The following CCBE1 variants were observed in gnomAD, a reference collection of about 807,000 sequenced individuals.
CCBE1 encodes collagen and calcium binding EGF domains 1.
In CCBE1, 37 loss-of-function variants were observed where a neutral mutation model predicts 50.0. The observed-to-expected ratio is 0.74, with a 90% CI of 0.57 to 0.97. The LOEUF is 0.97. Ranked by LOEUF, CCBE1 falls within the 50% of genes least tolerant of loss-of-function variation. The pLI is 0.00. For synonymous variants in CCBE1, 234 were observed against 203.7 expected (o/e 1.15, Z -1.27); for missense variants, 538 against 523.8 (o/e 1.03, Z -0.26).
chr18:59,534,141 G>A (rs1243110656), intron 2 of CCBE1, among the ~76,000 whole-genome samples: 2 of 152,302 alleles, frequency 1.3e-5, no homozygotes, highest in South Asian at 2.1e-4. Flanking sequence ...TAATGATAAT[G>A]TTGGCTAATG....
chr18:59,466,805 C>T lies in CCBE1; in HGVS notation c.487G>A (p.Glu163Lys). 1.2e-6 allele frequency: 2 copies of T among 1,613,852 alleles called. No individual in the cohort carries two copies. The highest frequency in any genetic ancestry group is 1.7e-6 in the Non-Finnish European group (2 of 1,179,970). ...TLGSYRCECR[E>K]GYIREDDGKT... ...CCATCATCTTCCCGGATGTAGCCTT[C>T]CCGGCACTCGCAGCGGTAGCTGCCC... The change falls in exon 5 of 11, where the codon GAA becomes AAA. Residue 163 changes from glutamate (E) to lysine (K), a missense_variant. Transcript: ENST00000439986.
chr18:59,487,976 G>T (rs1298758591), intron 2 of CCBE1, among the ~76,000 whole-genome samples: 1 of 152,210 alleles, frequency 6.6e-6, no homozygotes, highest in Non-Finnish European at 1.5e-5. Flanking sequence ...GGATAAAGAG[G>T]TGGTACATAC....
chr18:59,696,496 A>T, intron 2 of CCBE1, 133 bp downstream of exon 2: 1 of 1,541,580 alleles, frequency 6.5e-7, no homozygotes, highest in Non-Finnish European at 8.7e-7. Context: ...ACCGCGCGGC[A>T]CGCACCCAGC....
At chr18:59,524,817 G>A (rs1914752539) in intron 2 of CCBE1, among the ~76,000 whole-genome samples, 2 of 152,170 alleles carry the variant, frequency 1.3e-5, no homozygotes, top group Admixed American at 1.3e-4. Context: ...TCACTATTCA[G>A]CTCCTACTTG....
intron 2 of CCBE1, among the ~76,000 whole-genome samples, chr18:59,675,689 G>T (rs1349777912): frequency 2.6e-5 from 4 of 152,200 alleles, no homozygotes; most frequent in Non-Finnish European, 4.4e-5. Flanking sequence ...AGCAGAGAAG[G>T]TTGGCCCAGA....
chr18:59,696,105 GA>G (rs113244340), intron 2 of CCBE1, among the ~76,000 whole-genome samples: 4,301 of 152,136 alleles, frequency 0.028, 212 homozygotes, highest in African/African-American at 0.097. Flanking sequence ...CACATTTTTA[GA>G]AAGACTTTTT....
chr18:59,604,896 C>G (rs1254221171), intron 2 of CCBE1, among the ~76,000 whole-genome samples: 1 of 152,222 alleles, frequency 6.6e-6, no homozygotes, highest in Non-Finnish European at 1.5e-5. Context: ...TAGGTAGGGT[C>G]AAAATGGGGC....
At chr18:59,544,890 C>T (rs1915621769) in intron 2 of CCBE1, among the ~76,000 whole-genome samples, 1 of 152,186 alleles carries the variant, frequency 6.6e-6, no homozygotes, top group Non-Finnish European at 1.5e-5. Flanking sequence ...GAACATTTAG[C>T]ACAATATCAG....
intron 9 of CCBE1, 23 bp from the exon 10 acceptor site, chr18:59,438,169 T>G (rs1270744327): frequency 6.2e-7 from 1 of 1,613,320 alleles, no homozygotes; most frequent in Non-Finnish European, 8.5e-7. Context: ...AGGCCAGGGT[T>G]AGCTTTCTAG....
intron 2 of CCBE1, among the ~76,000 whole-genome samples, chr18:59,521,628 G>A (rs1412803791): frequency 6.6e-6 from 1 of 152,128 alleles, no homozygotes; most frequent in Non-Finnish European, 1.5e-5. Context: ...CCTCGTTTGA[G>A]GCTCAGGTGA....
intron 2 of CCBE1, among the ~76,000 whole-genome samples, chr18:59,601,705 T>C (rs1034634505): frequency 4.6e-5 from 7 of 152,184 alleles, no homozygotes; most frequent in Admixed American, 3.9e-4. Flanking sequence ...CCCAGATTTC[T>C]TTTAATTGCT....
intron 2 of CCBE1, among the ~76,000 whole-genome samples, chr18:59,532,996 A>G (rs1315638930): frequency 6.6e-6 from 1 of 152,244 alleles, no homozygotes; most frequent in Non-Finnish European, 1.5e-5. Context: ...GTGAGGAACC[A>G]GAATGAGAAG....
chr18:59,508,022 C>T (rs918416241), intron 2 of CCBE1, among the ~76,000 whole-genome samples: 1 of 151,766 alleles, frequency 6.6e-6, no homozygotes, highest in Non-Finnish European at 1.5e-5. Flanking sequence ...TCTTGAGTAG[C>T]TGGGAGTACA....
At chr18:59,496,631 C>T (rs1228479347) in intron 2 of CCBE1, among the ~76,000 whole-genome samples, 3 of 152,172 alleles carry the variant, frequency 2.0e-5, no homozygotes, top group Non-Finnish European at 4.4e-5. Flanking sequence ...TGAAAATATT[C>T]AACTTTATTT....
intron 2 of CCBE1, among the ~76,000 whole-genome samples, chr18:59,492,926 C>T (rs755683224): frequency 9.2e-5 from 14 of 152,146 alleles, no homozygotes; most frequent in Non-Finnish European, 1.9e-4. Flanking sequence ...TTGTAAATTA[C>T]CCAATGTGAA....
At chr18:59,625,956 C>G (rs720783) in intron 2 of CCBE1, among the ~76,000 whole-genome samples, 85,771 of 152,010 alleles carry the variant, frequency 0.56, 26,153 homozygotes, top group African/African-American at 0.79. Flanking sequence ...CCGGGCTCCA[C>G]AGTTGCAAGA....
chr18:59,507,823 C>T (rs1463589647), intron 2 of CCBE1, among the ~76,000 whole-genome samples: 1 of 152,080 alleles, frequency 6.6e-6, no homozygotes. Flanking sequence ...TACATCTTTC[C>T]CTGTATCCTT....
intron 2 of CCBE1, among the ~76,000 whole-genome samples, chr18:59,677,866 T>C (rs923493899): frequency 2.0e-5 from 3 of 152,134 alleles, no homozygotes; most frequent in Admixed American, 6.5e-5. Flanking sequence ...GGGATGGCTT[T>C]TGATTATATA....
At chr18:59,574,173 A>G (rs559130047) in intron 2 of CCBE1, among the ~76,000 whole-genome samples, 2 of 152,128 alleles carry the variant, frequency 1.3e-5, no homozygotes, top group East Asian at 3.9e-4. Context: ...ATGTGATCTG[A>G]TTATAATAAT....
Sources: gnomAD v4.1 joint callset for allele counts (sites outside exome capture counted in the v4.1 genomes callset) on GRCh38, gnomAD v4.1.1 for gene constraint, MANE v1.5 for transcripts, NCBI Gene and HGNC (gene_info 2026-07-23, HGNC 2026-07-21) for gene names.